Variants in OC90 observed in about 807,000 individuals in gnomAD.
OC90 encodes the protein otoconin 90.
A neutral mutation model predicts 47.3 loss-of-function variants in OC90; 46 were observed. The observed-to-expected ratio is 0.97, with a 90% CI of 0.77 to 1.24. OC90 has a LOEUF of 1.24. OC90 is among the 50% of genes most tolerant of loss of function. The probability of loss-of-function intolerance (pLI) is 0.00; values close to 1 mark genes in which losing one functional copy is unlikely to be tolerated. For missense variants in OC90, 688 were observed against 583.9 expected, an observed-to-expected ratio of 1.18 and a Z score of -1.84; for synonymous variants, 271 against 219.5, an observed-to-expected ratio of 1.23 and a Z score of -2.07.
At chr8:132,035,490 C>A (rs890215576) in intron 9 of OC90, among the ~76,000 whole-genome samples, 1 of 152,164 alleles carries the variant, frequency 6.6e-6, no homozygotes, top group Non-Finnish European at 1.5e-5. Context: ...TATGCTTAAC[C>A]ACTAGGCAGA....
intron 5 of OC90, 33 bp from the exon 6 acceptor site, chr8:132,041,189 G>T: frequency 2.9e-6 from 4 of 1,394,788 alleles, no homozygotes; most frequent in Non-Finnish European, 4.1e-6. Context: ...CAGGGTGAGA[G>T]TGTGGGTTAG....
intron 12 of OC90, 141 bp from the exon 13 acceptor site, chr8:132,029,320 A>C: frequency 1.5e-6 from 1 of 661,292 alleles, no homozygotes; most frequent in Non-Finnish European, 2.7e-6. Context: ...GGGCTGACTC[A>C]TATACACACC....
At chr8:132,044,619 G>C in intron 3 of OC90, 130 bp from the exon 4 acceptor site, 1 of 629,574 alleles carries the variant, frequency 1.6e-6, no homozygotes, top group South Asian at 1.9e-5. Flanking sequence ...CTTGGGCTAA[G>C]CTAGCTTTCT....
chr8:132,050,991 T>C (rs979954130), intron 2 of OC90, among the ~76,000 whole-genome samples: 1 of 152,048 alleles, frequency 6.6e-6, no homozygotes, highest in Non-Finnish European at 1.5e-5. Flanking sequence ...TGAAACTCTG[T>C]CTCAAATAAT....
Position 132,032,006 on chromosome 8 carries a change from C to T in OC90, c.906G>A (p.Met302Ile). The T allele has an allele frequency of 1.2e-6, 2 of 1,613,988 alleles. No homozygotes were observed. The highest frequency in any genetic ancestry group is 1.7e-6 in the Non-Finnish European group (2 of 1,179,848). ...TFLHLGSGDN[M>I]QVMPQLGEML... ...TCTCTCCAAGCTGTGGCATCACCTG[C>T]ATGTTGTCCCCACTTCCCAGGTGCA... is the stretch of plus-strand genomic sequence containing the variant. The change falls in exon 12 of 14, where the codon ATG (methionine) becomes ATA (isoleucine). Residue 302 changes from methionine (M) to isoleucine (I), a missense_variant. By Grantham distance (10) the Met-to-Ile change is conservative. Transcript: ENST00000254627.
chr8:132,056,981 C>T (rs973832959), intron 1 of OC90, among the ~76,000 whole-genome samples: 1 of 152,132 alleles, frequency 6.6e-6, no homozygotes, highest in Non-Finnish European at 1.5e-5. Flanking sequence ...TAGAGCCTGG[C>T]AAATCATGGC....
At position 132,037,456 on chromosome 8, in the gene OC90, T is replaced by C. The variant is rs751310681; in HGVS notation, c.661A>G (p.Thr221Ala). 3 of 1,583,764 alleles carry C rather than the reference T, an allele frequency of 1.9e-6. No homozygotes were observed. Among genetic ancestry groups the C allele is most frequent in the Non-Finnish European group, 2.6e-6 (3 of 1,163,728 alleles). Residue 221 changes from threonine (T) to alanine (A), a missense_variant, in exon 9 of 14, where the codon ACA becomes GCA. Transcript: ENST00000254627. ...VPVEPTDTSLTALSGEEAGHD... is the reference protein window; with the variant it reads ...VPVEPTDTSLAALSGEEAGHD... ...GGCTCACCTTCTCCTGAAAGGGCTG[T>C]CAGGCTGGTGTCTGTGGGCTCCACA...
chr8:132,032,031 A>G lies in OC90; in HGVS notation c.881T>C (p.Leu294Pro), dbSNP rs1316220691. Residue 294 changes from leucine (L) to proline (P), a missense_variant, in exon 12 of 14, where the codon CTG becomes CCG. Leu to Pro is a moderately conservative substitution (Grantham distance 98). Coordinates refer to ENST00000254627, the MANE Select transcript of OC90 (RefSeq NM_001080399.3). The part of the protein sequence containing the change: ...TEKACDRFTF[L>P]HLGSGDNMQV... The stretch of plus-strand genomic sequence containing the variant: ...CATGTTGTCCCCACTTCCCAGGTGC[A>G]GGAAGGTGAATCTGTCACAGGCTGA... 1.2e-6 allele frequency: 2 copies of G among 1,613,910 alleles called. No homozygotes were observed. Among genetic ancestry groups the G allele is most frequent in the Non-Finnish European group, 1.7e-6 (2 of 1,179,824 alleles).
chr8:132,049,659 A>G, intron 2 of OC90: 1 of 324,866 alleles, frequency 3.1e-6, no homozygotes, highest in Non-Finnish European at 6.5e-6. Flanking sequence ...GCTCGCAATT[A>G]ATAGCCTGAC....
intron 1 of OC90, among the ~76,000 whole-genome samples, chr8:132,058,459 C>A (rs1823303263): frequency 3.9e-5 from 6 of 152,196 alleles, no homozygotes; most frequent in Admixed American, 3.9e-4. Context: ...CCCGGCTCCC[C>A]TAGCTGTCTC....
intron 2 of OC90, among the ~76,000 whole-genome samples, chr8:132,050,698 A>T (rs1262978103): frequency 6.6e-6 from 1 of 152,180 alleles, no homozygotes; most frequent in Non-Finnish European, 1.5e-5. Flanking sequence ...AAATGACTCA[A>T]TGTATACAAT....
chr8:132,028,551 AAAGAAAGAAAGAAAGGAAGGAAGGAAGG>A lies in OC90; in HGVS notation c.1138+494_1138+521del, dbSNP rs1822800569. On this transcript the variant is annotated intron_variant, in intron 13 of 13. Transcript: ENST00000254627. ...AAAAGAAAGAAAGAAAGAAAGAAAG[AAAGAAAGAAAGAAAGGAAGGAAGGAAGG>A]AAGGAAGGAAGGAAGGAAGGAGGGA... Among the ~76,000 whole-genome samples the A allele has an allele frequency of 1.4e-4, 3 of 20,798 alleles. No homozygotes were observed. The Admixed American group carries it at 2.2e-3, about 15-fold the overall frequency. The allele number at this position is 20,798 out of a possible 152,430, so 13.6% of individuals were successfully genotyped here.
At chr8:132,048,346 G>A (rs1451976244) in intron 2 of OC90, among the ~76,000 whole-genome samples, 2 of 152,120 alleles carry the variant, frequency 1.3e-5, no homozygotes, top group East Asian at 3.9e-4. Context: ...TTCATAAATG[G>A]AAAGCCATTG....
intron 13 of OC90, 79 bp from the exon 14 acceptor site, chr8:132,024,855 T>C: frequency 8.1e-7 from 1 of 1,238,318 alleles, no homozygotes; most frequent in East Asian, 2.5e-5. Context: ...TGGCCACCCC[T>C]CAGCCCTTCT....
chr8:132,039,003 T>A lies in OC90; in HGVS notation c.578A>T (p.Gln193Leu), dbSNP rs1450965716. 1.7e-5 allele frequency: 27 copies of A among 1,613,876 alleles called. No homozygotes were observed. The highest frequency in any genetic ancestry group is 2.0e-5 in the Non-Finnish European group (24 of 1,179,888). The change falls in exon 7 of 14, where the codon CAG becomes CTG. Residue 193 changes from glutamine to leucine, a missense_variant. Physicochemically the swap from Gln to Leu is moderately radical, Grantham distance 113. Transcript: ENST00000254627. ...NLLDTSFCLA[Q>L]TPETTIKEDL... ...AGCCAGGTTCTTCCTACCTGGAGTCTGAGCCAGGCAGAAGGAGGTGTCCAG... is the reference window on the plus strand; with the variant it reads ...AGCCAGGTTCTTCCTACCTGGAGTCAGAGCCAGGCAGAAGGAGGTGTCCAG...
Position 132,041,127 on chromosome 8 carries a change from T to A in OC90, c.374A>T (p.Glu125Val). The A allele has an allele frequency of 6.2e-7, 1 of 1,613,682 alleles. No individual in the cohort carries two copies. The highest frequency in any genetic ancestry group is 8.5e-7 in the Non-Finnish European group (1 of 1,179,628). ...SCCFQHRRCY[E>V]EAAEMDCLQD... Reference sequence around the variant, plus strand: ...GAGACAGTCCATCTCAGCGGCCTCCTCATAGCACCTGCGGTGCTGGAAGCA... The same window carrying A: ...GAGACAGTCCATCTCAGCGGCCTCCACATAGCACCTGCGGTGCTGGAAGCA... The change falls in exon 6 of 14, where the codon GAG (glutamate) becomes GTG (valine). Residue 125 changes from glutamate to valine, a missense_variant. By Grantham distance (121) the Glu-to-Val change is moderately radical. Coordinates refer to ENST00000254627, the MANE Select transcript of OC90 (RefSeq NM_001080399.3).
At chr8:132,050,714 T>C (rs1205215194) in intron 2 of OC90, among the ~76,000 whole-genome samples, 1 of 152,126 alleles carries the variant, frequency 6.6e-6, no homozygotes, top group Non-Finnish European at 1.5e-5. Flanking sequence ...ACAATATAAC[T>C]GCATAGGCCG....
At chr8:132,035,673 A>G (rs929106265) in intron 9 of OC90, among the ~76,000 whole-genome samples, 10 of 152,244 alleles carry the variant, frequency 6.6e-5, no homozygotes, top group African/African-American at 2.4e-4. Flanking sequence ...ATGCTCCATG[A>G]AAGAGGGAGA....
chr8:132,059,141 C>T (rs1049230824), intron 1 of OC90, among the ~76,000 whole-genome samples, 200 bp downstream of exon 1: 28 of 150,468 alleles, frequency 1.9e-4, no homozygotes, highest in African/African-American at 6.9e-4. Context: ...TTCCTCCTAC[C>T]CTTTCTGCCT....
Sources: gnomAD v4.1 joint callset for allele counts (sites outside exome capture counted in the v4.1 genomes callset) on GRCh38, gnomAD v4.1.1 for gene constraint, MANE v1.5 for transcripts, NCBI Gene and HGNC (gene_info 2026-07-23, HGNC 2026-07-21) for gene names.